Variants in XYLT1 observed in about 807,000 individuals in gnomAD.
XYLT1 encodes the protein xylosyltransferase 1.
A neutral mutation model predicts 91.3 loss-of-function variants in XYLT1; 36 were observed. That is an observed-to-expected ratio of 0.39 (90% confidence interval 0.30 to 0.52). The LOEUF (loss-of-function observed/expected upper bound fraction) is 0.52, where lower values mean the gene tolerates loss of function less well. Among genes scored for constraint, XYLT1 ranks in the 20% least tolerant of loss-of-function variants. XYLT1 has a pLI of 0.68. For missense variants in XYLT1, 1,242 were observed against 1,284.5 expected (o/e 0.97, Z 0.51); for synonymous variants, 588 against 532.0 (o/e 1.11, Z -1.45).
At chr16:17,124,340 C>T (rs967796460) in intron 10 of XYLT1, among the ~76,000 whole-genome samples, 3 of 152,154 alleles carry the variant, frequency 2.0e-5, no homozygotes, top group Admixed American at 6.5e-5. Flanking sequence ...ATTATCTTAG[C>T]ATTTTTCTGA....
chr16:17,248,058 A>G (rs2033471267), intron 3 of XYLT1, among the ~76,000 whole-genome samples: 1 of 152,170 alleles, frequency 6.6e-6, no homozygotes, highest in Non-Finnish European at 1.5e-5. Flanking sequence ...CAAATCTTAA[A>G]TTGTAGCTCC....
At chr16:17,153,186 C>T (rs186938218) in intron 6 of XYLT1, among the ~76,000 whole-genome samples, 2 of 152,284 alleles carry the variant, frequency 1.3e-5, no homozygotes, top group Middle Eastern at 3.4e-3. Context: ...AGGGCTTTTC[C>T]ATATATTAAT....
At chr16:17,184,263 C>A (rs1051549245) in intron 5 of XYLT1, among the ~76,000 whole-genome samples, 1 of 145,392 alleles carries the variant, frequency 6.9e-6, no homozygotes, top group East Asian at 2.0e-4. Flanking sequence ...TTGGAAACGT[C>A]CCATCCACAG....
intron 1 of XYLT1, among the ~76,000 whole-genome samples, chr16:17,465,127 G>A: frequency 9.7e-6 from 1 of 103,468 alleles, no homozygotes; most frequent in South Asian, 3.7e-4. Context: ...CTGGGTGACA[G>A]AGCAAGATGC....
intron 9 of XYLT1, among the ~76,000 whole-genome samples, chr16:17,133,440 A>G (rs1377300803): frequency 6.6e-6 from 1 of 151,854 alleles, no homozygotes; most frequent in Non-Finnish European, 1.5e-5. Flanking sequence ...ATTCATCAGA[A>G]CATTATTTAC....
intron 1 of XYLT1, among the ~76,000 whole-genome samples, chr16:17,386,669 A>G (rs6498698): frequency 0.5 from 75,495 of 152,038 alleles, 20,037 homozygotes; most frequent in African/African-American, 0.65. Flanking sequence ...ATCCAAGAAG[A>G]TATGCCTGTA....
intron 5 of XYLT1, among the ~76,000 whole-genome samples, chr16:17,163,395 C>T (rs1306809768): frequency 6.6e-6 from 1 of 152,214 alleles, no homozygotes; most frequent in African/African-American, 2.4e-5. Flanking sequence ...GCCCTGGGCA[C>T]ACAGAGGCAC....
intron 2 of XYLT1, among the ~76,000 whole-genome samples, chr16:17,347,227 T>C (rs2035156358): frequency 6.6e-6 from 1 of 152,190 alleles, no homozygotes; most frequent in Admixed American, 6.5e-5. Flanking sequence ...AAGGCCTTGC[T>C]TGCAGGCAGA....
intron 1 of XYLT1, among the ~76,000 whole-genome samples, chr16:17,461,817 C>T (rs989006068): frequency 3.3e-5 from 5 of 152,214 alleles, no homozygotes; most frequent in Non-Finnish European, 7.3e-5. Context: ...GGACACTTCA[C>T]ATCTGCTTAA....
At chr16:17,422,489 G>C (rs1391309110) in intron 1 of XYLT1, among the ~76,000 whole-genome samples, 2 of 151,832 alleles carry the variant, frequency 1.3e-5, no homozygotes, top group African/African-American at 4.8e-5. Flanking sequence ...ATGCACCACT[G>C]TGCCTGGCCC....
In XYLT1 at chr16:17,103,751, C is replaced by T. The variant is rs1016721143; in HGVS notation, c.*4944G>A. The T allele has an allele frequency of 6.6e-6, 1 of 152,142 alleles. No individual in the cohort carries two copies. 9.4% of individuals were successfully genotyped at this position (152,142 alleles called of 1,614,324 possible). A position where few individuals can be genotyped will look rare whatever the true frequency, so the allele number is the denominator to read the frequency against. The stretch of plus-strand genomic sequence containing the variant: ...TGTAGGCAGAGGCAGTTGGAATATT[C>T]CCAGCCAAGTGGAGAGGGAAGAGAG... On this transcript the variant is annotated 3_prime_UTR_variant, in exon 12 of 12. Transcript: ENST00000261381.
chr16:17,248,378 G>C (rs926120010), intron 3 of XYLT1, among the ~76,000 whole-genome samples: 2 of 152,134 alleles, frequency 1.3e-5, no homozygotes, highest in African/African-American at 4.8e-5. Flanking sequence ...AATACAGGGG[G>C]GCCTACCTTC....
rs1238445300 is a variant in XYLT1 at position 17,390,403 on chromosome 16, T to A, written c.364-32353A>T. The stretch of plus-strand genomic sequence containing the variant: ...GAAAGCAAAACCACCCACCCTAGTG[T>A]ACAAGCCAAGCATGGAGGAGGCACC... On this transcript the variant is annotated intron_variant, in intron 1 of 11. Coordinates refer to ENST00000261381, the MANE Select transcript of XYLT1 (RefSeq NM_022166.4). Among the ~76,000 whole-genome samples the A allele has an allele frequency of 2.0e-5, 3 of 152,176 alleles. No individual in the cohort carries two copies. In the East Asian group the frequency reaches 5.8e-4, roughly 29 times the overall value.
intron 6 of XYLT1, among the ~76,000 whole-genome samples, chr16:17,142,410 G>C (rs1345893595): frequency 2.7e-5 from 4 of 150,624 alleles, no homozygotes; most frequent in Non-Finnish European, 5.9e-5. Context: ...AGATATCATG[G>C]CAGGTCTATT....
chr16:17,206,769 C>T (rs2141595134), intron 3 of XYLT1, among the ~76,000 whole-genome samples: 1 of 152,200 alleles, frequency 6.6e-6, no homozygotes, highest in Middle Eastern at 3.4e-3. Flanking sequence ...AACAAACACT[C>T]ATTATGGCCT....
chr16:17,161,239 G>A (rs941353943), intron 5 of XYLT1, among the ~76,000 whole-genome samples: 3 of 152,158 alleles, frequency 2.0e-5, no homozygotes, highest in East Asian at 1.9e-4. Flanking sequence ...GGCATTTAGC[G>A]AATTTACTTA....
intron 11 of XYLT1, among the ~76,000 whole-genome samples, chr16:17,113,138 CTATT>C (rs1054478186): frequency 7.3e-5 from 11 of 149,898 alleles, no homozygotes; most frequent in Admixed American, 2.7e-4. Context: ...CGTGTCTGGC[CTATT>C]TATTTATTGT....
intron 2 of XYLT1, among the ~76,000 whole-genome samples, chr16:17,289,892 A>T (rs1480676413): frequency 6.6e-6 from 1 of 152,268 alleles, no homozygotes; most frequent in Non-Finnish European, 1.5e-5. Context: ...TGTAAGAAGC[A>T]AGAAAGGAAG....
At chr16:17,330,017 G>A (rs934515387) in intron 2 of XYLT1, among the ~76,000 whole-genome samples, 3 of 152,018 alleles carry the variant, frequency 2.0e-5, no homozygotes, top group African/African-American at 7.3e-5. Flanking sequence ...GGTTAAATGA[G>A]AACAGTATTC....
Sources: allele counts gnomAD v4.1 joint callset (sites outside exome capture counted in the v4.1 genomes callset), GRCh38; gene constraint gnomAD v4.1.1; transcripts MANE v1.5; gene names NCBI Gene and HGNC (gene_info 2026-07-23, HGNC 2026-07-21).